SOAT2: variants seen among roughly 807,000 people sequenced by gnomAD.
The protein encoded by SOAT2 is ACAT-2.
SOAT2 carries 87 observed loss-of-function variants against 76.0 expected under a neutral mutation model. The ratio of observed to expected loss-of-function variants is 1.14; its 90% CI spans 0.96 to 1.37. The LOEUF (loss-of-function observed/expected upper bound fraction) is 1.37, where lower values mean the gene tolerates loss of function less well. SOAT2 is among the 40% of genes most tolerant of loss of function. SOAT2 has a pLI of 0.00. For synonymous variants in SOAT2, 285 were observed against 275.4 expected (o/e 1.03, Z -0.34); for missense variants, 686 against 682.1 (o/e 1.01, Z -0.06).
intron 13 of SOAT2, among the ~76,000 whole-genome samples, 197 bp from the exon 14 acceptor site, chr12:53,123,531 G>C (rs1293024837): frequency 1.3e-5 from 2 of 152,146 alleles, no homozygotes; most frequent in Non-Finnish European, 2.9e-5. Context: ...TGAGATTCAG[G>C]ATATTGAAGT....
intron 12 of SOAT2, among the ~76,000 whole-genome samples, chr12:53,122,670 A>C (rs1337944621): frequency 1.3e-5 from 2 of 151,976 alleles, no homozygotes; most frequent in Non-Finnish European, 2.9e-5. Context: ...GATCAACAGG[A>C]TCCCAAGGCA....
At chr12:53,117,659 G>A (rs1396547414) in intron 7 of SOAT2, among the ~76,000 whole-genome samples, 1 of 152,070 alleles carries the variant, frequency 6.6e-6, no homozygotes, top group African/African-American at 2.4e-5. Flanking sequence ...TGGTGGTGGA[G>A]AGGGGACGTT....
At chr12:53,110,216 T>C (rs141655037) in intron 5 of SOAT2, among the ~76,000 whole-genome samples, 1 of 152,370 alleles carries the variant, frequency 6.6e-6, no homozygotes, top group African/African-American at 2.4e-5. Context: ...ATATATATTA[T>C]ACTGTTAACT....
intron 5 of SOAT2, among the ~76,000 whole-genome samples, chr12:53,106,703 C>T (rs1186624464): frequency 2.6e-5 from 4 of 152,210 alleles, no homozygotes; most frequent in Non-Finnish European, 4.4e-5. Context: ...ACCAGGCCAA[C>T]TAAAAATTAC....
intron 3 of SOAT2, 116 bp downstream of exon 3, chr12:53,105,359 C>T (rs1383560231): frequency 2.2e-6 from 3 of 1,352,474 alleles, no homozygotes; most frequent in African/African-American, 1.5e-5. Context: ...CTTCCCTCTT[C>T]CCCCCTTGTC....
chr12:53,115,043 T>G (rs1166517158), intron 5 of SOAT2, among the ~76,000 whole-genome samples: 1 of 152,140 alleles, frequency 6.6e-6, no homozygotes, highest in African/African-American at 2.4e-5. Flanking sequence ...CGGCATCCTA[T>G]TACCTCCAAT....
intron 13 of SOAT2, 37 bp from the exon 14 acceptor site, chr12:53,123,691 C>A (rs745642743): frequency 6.2e-7 from 1 of 1,613,066 alleles, no homozygotes; most frequent in African/African-American, 1.3e-5. Context: ...ACAAGGCACT[C>A]CTGGAGCTGG....
At position 53,105,265 on chromosome 12, in the gene SOAT2, G is replaced by A. The variant is rs377636076; in HGVS notation, c.275+22G>A. ...GCAGGTGAGTCTGGGGAATGGCTGC[G>A]CGGGCTCCTCTGTAGCAAGGATCAT... On this transcript the variant is annotated intron_variant, in intron 3 of 14. Coordinates refer to ENST00000301466, the MANE Select transcript of SOAT2 (RefSeq NM_003578.4). 2.6e-4 allele frequency: 419 copies of A among 1,595,218 alleles called. 3 individuals carry two copies. In the Middle Eastern group the frequency reaches 4.3e-3, roughly 16 times the overall value.
intron 10 of SOAT2, among the ~76,000 whole-genome samples, 167 bp from the exon 11 acceptor site, chr12:53,120,619 A>G (rs1016176886): frequency 2.0e-4 from 24 of 119,464 alleles, no homozygotes; most frequent in African/African-American, 7.2e-4. Context: ...AGCCTGTCTC[A>G]AAAAAAAAAA....
intron 10 of SOAT2, 49 bp from the exon 11 acceptor site, chr12:53,120,737 G>T (rs1592279833): frequency 2.2e-6 from 3 of 1,360,082 alleles, no homozygotes; most frequent in African/African-American, 1.4e-5. Context: ...GCTGCCTGTG[G>T]GTCCATGTGG....
chr12:53,106,616 C>G (rs148036027), intron 5 of SOAT2, among the ~76,000 whole-genome samples: 10 of 152,116 alleles, frequency 6.6e-5, no homozygotes, highest in Non-Finnish European at 8.8e-5. Context: ...GGCCCAATAA[C>G]GAGATGCAGA....
chr12:53,124,131 G>A lies in SOAT2; in HGVS notation c.*8G>A, dbSNP rs1938239776. On this transcript the variant is annotated 3_prime_UTR_variant, in exon 15 of 15. Coordinates refer to ENST00000301466, the MANE Select transcript of SOAT2 (RefSeq NM_003578.4). ...TGGTCCTGCCATACCTAGAGGTCGG[G>A]ACAGACGACGCTACCTGCCCAGACA... 1 of 1,614,116 alleles carries A rather than the reference G, an allele frequency of 6.2e-7. No individual in the cohort carries two copies. The highest frequency in any genetic ancestry group is 8.5e-7 in the Non-Finnish European group (1 of 1,179,998).
chr12:53,112,488 G>A (rs1938028827), intron 5 of SOAT2, among the ~76,000 whole-genome samples: 1 of 145,636 alleles, frequency 6.9e-6, no homozygotes. Flanking sequence ...GGAGGTTGTG[G>A]TGAGCCAAGA....
Position 53,115,547 on chromosome 12 carries a change from T to A in SOAT2, c.601T>A (p.Cys201Ser). The A allele has an allele frequency of 6.3e-7, 1 of 1,596,926 alleles. No homozygotes were observed. Among genetic ancestry groups the A allele is most frequent in the Non-Finnish European group, 8.5e-7 (1 of 1,176,466 alleles). The stretch of plus-strand genomic sequence containing the variant: ...CTGGACGCAGGCGACGGGCCTGGGC[T>A]GTGCGCTGCTAGCCGCCCACGCCGT... ...GTWTQATGLG[C>S]ALLAAHAVVL... The change falls in exon 6 of 15, where the codon TGT becomes AGT. Residue 201 changes from cysteine to serine, a missense_variant. Coordinates refer to ENST00000301466, the MANE Select transcript of SOAT2 (RefSeq NM_003578.4).
intron 10 of SOAT2, among the ~76,000 whole-genome samples, chr12:53,120,085 C>G (rs1938167185): frequency 6.6e-6 from 1 of 152,184 alleles, no homozygotes; most frequent in Non-Finnish European, 1.5e-5. Flanking sequence ...CCTGTAATCA[C>G]AACACTTTGG....
At chr12:53,106,058 G>A in intron 5 of SOAT2, 44 bp downstream of exon 5, 1 of 1,416,402 alleles carries the variant, frequency 7.1e-7, no homozygotes, top group Non-Finnish European at 1.0e-6. Context: ...TATCTGATCA[G>A]ACCCTCTGGG....
chr12:53,111,164 G>C (rs774176860), intron 5 of SOAT2, among the ~76,000 whole-genome samples: 20 of 150,334 alleles, frequency 1.3e-4, no homozygotes, highest in Non-Finnish European at 2.1e-4. Context: ...GGAGTGCAGT[G>C]GCGTGATCTC....
chr12:53,111,021 GTTGT>G (rs763706021), intron 5 of SOAT2, among the ~76,000 whole-genome samples: 5 of 151,264 alleles, frequency 3.3e-5, no homozygotes, highest in Admixed American at 1.3e-4. Flanking sequence ...TGAAATATCT[GTTGT>G]TTAACTTTAG....
intron 7 of SOAT2, among the ~76,000 whole-genome samples, chr12:53,116,533 C>T (rs905389135): frequency 1.3e-4 from 20 of 152,160 alleles, no homozygotes; most frequent in Non-Finnish European, 2.8e-4. Flanking sequence ...AACTTAAAGT[C>T]ACCAGCTGCA....
Sources: allele counts gnomAD v4.1 joint callset (sites outside exome capture counted in the v4.1 genomes callset), GRCh38; gene constraint gnomAD v4.1.1; transcripts MANE v1.5; gene names NCBI Gene and HGNC (gene_info 2026-07-23, HGNC 2026-07-21).